GRIA3: variants seen among roughly 807,000 people sequenced by gnomAD.
GRIA3 encodes the protein glutamate ionotropic receptor AMPA type subunit 3.
A neutral mutation model predicts 63.0 loss-of-function variants in GRIA3; 3 were observed. That is an observed-to-expected ratio of 0.05 (90% CI 0.02 to 0.12). The LOEUF is 0.12. Ranked by LOEUF, GRIA3 falls within the 10% of genes least tolerant of loss-of-function variation. The pLI, the probability that GRIA3 is intolerant of heterozygous loss-of-function variation, is 1.00. For synonymous variants in GRIA3, 274 were observed against 257.9 expected, an observed-to-expected ratio of 1.06 and a Z score of -0.60; for missense variants, 347 against 700.9, an observed-to-expected ratio of 0.50 and a Z score of 5.70.
chrX:123,244,087 C>G (rs1603044942), intron 2 of GRIA3, among the ~76,000 whole-genome samples: 1 of 112,706 alleles, frequency 8.9e-6, no homozygotes, highest in South Asian at 3.6e-4. Flanking sequence ...TCTTTGCCAG[C>G]ATTTAGATAC....
chrX:123,330,079 T>A (rs144688031), intron 4 of GRIA3, among the ~76,000 whole-genome samples: 1,143 of 111,859 alleles, frequency 0.01, 21 homozygotes, highest in African/African-American at 0.036. Flanking sequence ...CCTCCATTTT[T>A]TCGTAGTAAA....
At chrX:123,215,775 A>G (rs1298344270) in intron 2 of GRIA3, among the ~76,000 whole-genome samples, 1 of 111,818 alleles carries the variant, frequency 8.9e-6, no homozygotes, top group Non-Finnish European at 1.9e-5. Context: ...CACAGAGGCA[A>G]GCCAAACTGA....
chrX:123,379,552 C>A (rs933193977), intron 5 of GRIA3, among the ~76,000 whole-genome samples: 1 of 107,263 alleles, frequency 9.3e-6, no homozygotes, highest in Non-Finnish European at 1.9e-5. Flanking sequence ...AAATCTGTCG[C>A]TAAACTCAGG....
chrX:123,209,485 T>C (rs1485543588), intron 2 of GRIA3, among the ~76,000 whole-genome samples: 1 of 111,594 alleles, frequency 9.0e-6, no homozygotes, highest in African/African-American at 3.3e-5. Flanking sequence ...TTAACTCTCT[T>C]ACTCTTCTAT....
chrX:123,292,481 C>T (rs766488837), intron 3 of GRIA3, among the ~76,000 whole-genome samples: 86 of 110,596 alleles, frequency 7.8e-4, no homozygotes, highest in Non-Finnish European at 1.4e-3. Flanking sequence ...TAAAAACAAC[C>T]TTTGAAGACC....
chrX:123,421,754 A>T (rs1226813883), intron 11 of GRIA3, among the ~76,000 whole-genome samples: 2 of 111,886 alleles, frequency 1.8e-5, no homozygotes, highest in East Asian at 5.6e-4. Flanking sequence ...TACCTCCATT[A>T]TCAGGTGGAT....
chrX:123,345,273 G>A (rs17259393), intron 4 of GRIA3, among the ~76,000 whole-genome samples: 16,402 of 110,410 alleles, frequency 0.15, 1,141 homozygotes, highest in Non-Finnish European at 0.22. Flanking sequence ...TCTACAATGC[G>A]GAGGAGATAT....
At position 123,187,298 on chromosome X, in the gene GRIA3, T is replaced by C. The variant is rs888728530; in HGVS notation, c.268+1308T>C. Among the ~76,000 whole-genome samples the C allele has an allele frequency of 6.2e-5, 7 of 112,283 alleles. No homozygotes were observed. The South Asian group carries it at 1.5e-3, about 24-fold the overall frequency. ...GGGGTAACATACTCTGCAAGAAATATGACAGTTGTCAGCTTTAAGAAAATT... is the reference window on the plus strand; with the variant it reads ...GGGGTAACATACTCTGCAAGAAATACGACAGTTGTCAGCTTTAAGAAAATT... On this transcript the variant is annotated intron_variant, in intron 2 of 15. Coordinates refer to ENST00000620443, the MANE Select transcript of GRIA3 (RefSeq NM_007325.5).
chrX:123,385,301 A>G (rs950398899), intron 5 of GRIA3, among the ~76,000 whole-genome samples: 3 of 111,666 alleles, frequency 2.7e-5, no homozygotes, highest in African/African-American at 6.5e-5. Context: ...TGAAGATCAG[A>G]TGGTTGTAGG....
At chrX:123,462,923 G>A (rs1342677996) in intron 12 of GRIA3, among the ~76,000 whole-genome samples, 1 of 111,531 alleles carries the variant, frequency 9.0e-6, no homozygotes, top group Non-Finnish European at 1.9e-5. Flanking sequence ...AAGTCAATTG[G>A]AAGTTTTTGA....
intron 3 of GRIA3, among the ~76,000 whole-genome samples, chrX:123,313,167 A>T (rs2147324199): frequency 8.9e-6 from 1 of 111,767 alleles, no homozygotes; most frequent in East Asian, 2.8e-4. Context: ...CAACTAATCA[A>T]AGTGAGTTGA....
chrX:123,417,669 C>T lies in GRIA3; in HGVS notation c.1768C>T (p.Pro590Ser). 8.5e-7 allele frequency: 1 copy of T among 1,179,139 alleles called. No homozygotes were observed. The highest frequency in any genetic ancestry group is 1.1e-6 in the Non-Finnish European group (1 of 879,510). ...GCACTTGGAAGACAACAATGAAGAA[C>T]CTCGTGACCCACAAAGTCCTCCTGA... ...EWHLEDNNEE[P>S]RDPQSPPDPP... Residue 590 changes from proline to serine, a missense_variant, in exon 11 of 16, where the codon CCT (proline) becomes TCT (serine). By Grantham distance (74) the Pro-to-Ser change is moderately conservative. This residue lies in a region of GRIA3 where 19 missense variants were observed against 30.9 expected (regional missense o/e 0.61). Transcript: ENST00000620443.
chrX:123,486,161 AAGGG>A (rs202054139), intron 15 of GRIA3, among the ~76,000 whole-genome samples: 1,260 of 86,196 alleles, frequency 0.015, 15 homozygotes, highest in Middle Eastern at 0.053. Context: ...GGAAAGAAGA[AAGGG>A]AGGGAGGGAG....
chrX:123,274,281 T>C (rs986626443), intron 3 of GRIA3, among the ~76,000 whole-genome samples: 2 of 112,482 alleles, frequency 1.8e-5, no homozygotes, highest in Non-Finnish European at 3.8e-5. Flanking sequence ...AACTTAATTG[T>C]AAGATCTGTT....
intron 2 of GRIA3, among the ~76,000 whole-genome samples, chrX:123,222,505 C>T (rs1184846377): frequency 8.9e-6 from 1 of 112,100 alleles, no homozygotes; most frequent in Non-Finnish European, 1.9e-5. Context: ...ATACCACCAA[C>T]CAGAGGAACT....
In GRIA3 at chrX:123,307,122, C is replaced by A. The variant is rs1202367399; in HGVS notation, c.509-18904C>A. On this transcript the variant is annotated intron_variant, in intron 3 of 15. Transcript: ENST00000620443. ...ACAGGAGACTGTCAGGCTCTAGGGA[C>A]AAGAGACAGTTTACAAGTCTTTCAT... Among the ~76,000 whole-genome samples, 3 of 111,752 alleles carry A rather than the reference C, an allele frequency of 2.7e-5. No individual in the cohort carries two copies. In the Admixed American group the frequency reaches 2.9e-4, roughly 11 times the overall value.
intron 4 of GRIA3, among the ~76,000 whole-genome samples, chrX:123,340,913 A>T (rs2045004717): frequency 8.9e-6 from 1 of 112,126 alleles, no homozygotes; most frequent in Non-Finnish European, 1.9e-5. Context: ...ATGAAAAACA[A>T]CAGGGAGCCA....
chrX:123,212,397 C>T (rs1263622431), intron 2 of GRIA3, among the ~76,000 whole-genome samples: 2 of 112,109 alleles, frequency 1.8e-5, no homozygotes, highest in Admixed American at 1.9e-4. Flanking sequence ...TGTGGTATCT[C>T]ATTTTGTAGA....
At chrX:123,415,999 T>C (rs1348132261) in intron 10 of GRIA3, among the ~76,000 whole-genome samples, 2 of 112,062 alleles carry the variant, frequency 1.8e-5, no homozygotes, top group Admixed American at 9.4e-5. Flanking sequence ...AACTGGGTTC[T>C]GGAATCTGAA....
Sources: gnomAD v4.1 joint callset for allele counts (sites outside exome capture counted in the v4.1 genomes callset) on GRCh38, gnomAD v4.1.1 for gene constraint, gnomAD v4.1.1 regional missense constraint, MANE v1.5 for transcripts, NCBI Gene and HGNC (gene_info 2026-07-23, HGNC 2026-07-21) for gene names.